DNAH5: variants seen among roughly 807,000 people sequenced by gnomAD.
DNAH5 encodes the protein dynein axonemal heavy chain 5.
DNAH5 carries 372 observed loss-of-function variants against 518.2 expected under a neutral mutation model. The ratio of observed to expected loss-of-function variants is 0.72; its 90% CI spans 0.66 to 0.78. DNAH5 has a LOEUF of 0.78. Ranked by LOEUF, DNAH5 falls within the 30% of genes least tolerant of loss-of-function variation. The probability of loss-of-function intolerance (pLI) is 0.00; values close to 1 mark genes in which losing one functional copy is unlikely to be tolerated. For missense variants in DNAH5, 5,523 were observed against 5,687.0 expected (o/e 0.97, Z 0.93); for synonymous variants, 2,039 against 2,025.9 (o/e 1.01, Z -0.17).
chr5:13,995,255 T>C (rs546610348), intron 1 of DNAH5, among the ~76,000 whole-genome samples: 1 of 152,302 alleles, frequency 6.6e-6, no homozygotes, highest in South Asian at 2.1e-4. Flanking sequence ...GCACCACATA[T>C]ACAGTAGCGG....
chr5:13,858,317 A>C (rs1767911462), intron 30 of DNAH5, among the ~76,000 whole-genome samples: 1 of 152,168 alleles, frequency 6.6e-6, no homozygotes, highest in Admixed American at 6.6e-5. Flanking sequence ...CTAGCACAGG[A>C]ATGGAAAACC....
Position 13,793,923 on chromosome 5 carries a change from A to G in DNAH5, c.8010+13T>C. 4 of 1,613,984 alleles carry G rather than the reference A, an allele frequency of 2.5e-6. No individual in the cohort carries two copies. Among genetic ancestry groups the G allele is most frequent in the Non-Finnish European group, 3.4e-6 (4 of 1,179,910 alleles). On this transcript the variant is annotated intron_variant, in intron 48 of 78. Coordinates refer to ENST00000265104, the MANE Select transcript of DNAH5 (RefSeq NM_001369.3). ...AAATTAAAGAAATAAAATGCACAAT[A>G]GAATGATGATACCTGATCTCCCCAC...
At chr5:13,859,119 T>G (rs1768026549) in intron 30 of DNAH5, among the ~76,000 whole-genome samples, 1 of 152,172 alleles carries the variant, frequency 6.6e-6, no homozygotes, top group Non-Finnish European at 1.5e-5. Flanking sequence ...ATTGTCAAGA[T>G]AACTGCACCA....
intron 60 of DNAH5, among the ~76,000 whole-genome samples, chr5:13,760,757 A>G (rs542223852): frequency 6.6e-5 from 10 of 152,330 alleles, no homozygotes; most frequent in African/African-American, 2.4e-4. Flanking sequence ...AATTTAGGGA[A>G]TGCCCTTGAC....
intron 47 of DNAH5, among the ~76,000 whole-genome samples, chr5:13,804,110 T>C (rs1332071216): frequency 2.0e-5 from 3 of 152,160 alleles, no homozygotes; most frequent in Non-Finnish European, 4.4e-5. Flanking sequence ...TTAATATTAG[T>C]TCGGGGGGAA....
At chr5:13,978,356 G>A (rs1330570857) in intron 1 of DNAH5, among the ~76,000 whole-genome samples, 3 of 152,182 alleles carry the variant, frequency 2.0e-5, no homozygotes, top group African/African-American at 7.2e-5. Context: ...CCAGAATGTG[G>A]TTGGACTTCT....
chr5:13,745,736 TC>T (rs1315151303), intron 65 of DNAH5, among the ~76,000 whole-genome samples: 1 of 152,066 alleles, frequency 6.6e-6, no homozygotes, highest in East Asian at 1.9e-4. Flanking sequence ...AGCCCCACAT[TC>T]CTTAGATGGT....
chr5:13,934,409 C>G (rs76345451), intron 1 of DNAH5, among the ~76,000 whole-genome samples: 2 of 152,098 alleles, frequency 1.3e-5, no homozygotes, highest in African/African-American at 4.8e-5. Flanking sequence ...GCTTTAGGCC[C>G]TTAAGTTTTG....
intron 12 of DNAH5, among the ~76,000 whole-genome samples, chr5:13,904,791 G>T (rs1236735520): frequency 6.6e-6 from 1 of 152,022 alleles, no homozygotes; most frequent in Non-Finnish European, 1.5e-5. Context: ...TGCACCTGTA[G>T]TCTCAACTAC....
intron 43 of DNAH5, 134 bp downstream of exon 43, chr5:13,814,471 C>A: frequency 1.2e-6 from 1 of 858,744 alleles, no homozygotes; most frequent in South Asian, 1.5e-5. Flanking sequence ...CCAGTGCATT[C>A]AAGTATCTTC....
intron 1 of DNAH5, among the ~76,000 whole-genome samples, chr5:13,932,842 T>C (rs989504928): frequency 6.6e-6 from 1 of 152,224 alleles, no homozygotes; most frequent in Admixed American, 6.5e-5. Context: ...GTGTAAGATT[T>C]TGAGGTGACT....
rs770818155 is a variant in DNAH5 at position 13,922,263 on chromosome 5, C to T, written c.504G>A (p.Leu168=). 2 of 1,613,744 alleles carry T rather than the reference C, an allele frequency of 1.2e-6. No individual in the cohort carries two copies. The highest frequency in any genetic ancestry group is 1.7e-6 in the Non-Finnish European group (2 of 1,179,936). The change falls in exon 5 of 79, where the codon CTG becomes CTA. Residue 168 remains leucine (L), a synonymous_variant. Coordinates refer to ENST00000265104, the MANE Select transcript of DNAH5 (RefSeq NM_001369.3). ...GGLLNSVRRL[L]SDIFIPALRA... The stretch of plus-strand genomic sequence containing the variant: ...TGAGAGCAGGAATGAAGATGTCCGA[C>T]AGCAAACGTCTCACACTGTTGAGCA...
intron 1 of DNAH5, among the ~76,000 whole-genome samples, chr5:13,974,499 G>C (rs1225595852): frequency 6.6e-6 from 1 of 152,144 alleles, no homozygotes; most frequent in Non-Finnish European, 1.5e-5. Context: ...ACCTGTGATA[G>C]GATGGCATTT....
At chr5:13,770,562 C>T (rs1207024438) in intron 56 of DNAH5, among the ~76,000 whole-genome samples, 187 bp downstream of exon 56, 1 of 152,118 alleles carries the variant, frequency 6.6e-6, no homozygotes, top group Non-Finnish European at 1.5e-5. Flanking sequence ...AAAAGAACTT[C>T]AGGAAGTTTA....
chr5:13,822,518 A>C (rs974964684), intron 40 of DNAH5, among the ~76,000 whole-genome samples: 1 of 151,748 alleles, frequency 6.6e-6, no homozygotes, highest in Non-Finnish European at 1.5e-5. Flanking sequence ...CCCAGAGTGC[A>C]GGGATTACAG....
chr5:13,894,643 G>T lies in DNAH5; in HGVS notation c.2431+7C>A. On this transcript the variant is annotated splice_region_variant and intron_variant, in intron 16 of 78. Transcript: ENST00000265104. ...TTCAGAAATACTAATTATTCAGGCA[G>T]ACTTACTGATCTTTGCAAAAGTGTT... The T allele has an allele frequency of 6.2e-7, 1 of 1,613,704 alleles. No individual in the cohort carries two copies. The highest frequency in any genetic ancestry group is 1.1e-5 in the South Asian group (1 of 91,058).
rs1395955920 is a variant in DNAH5, at chr5:13,737,103, T to C, written c.11455+149A>G. ...TATAAAAAATTTTTGACCTCCATTT[T>C]ACGGAATATTTCCCAACAGAAATTC... On this transcript the variant is annotated intron_variant, in intron 66 of 78. Transcript: ENST00000265104. 3.0e-6 allele frequency: 4 copies of C among 1,318,764 alleles called. No homozygotes were observed. In the East Asian group the frequency reaches 9.5e-5, roughly 31 times the overall value. The allele number at this position is 1,318,764 out of a possible 1,614,324, so 81.7% of individuals were successfully genotyped here.
intron 47 of DNAH5, among the ~76,000 whole-genome samples, chr5:13,804,868 T>C (rs1759331284): frequency 6.6e-6 from 1 of 152,232 alleles, no homozygotes; most frequent in Non-Finnish European, 1.5e-5. Context: ...AGATAACATA[T>C]GGCTTTTTCC....
intron 29 of DNAH5, 82 bp from the exon 30 acceptor site, chr5:13,859,687 A>T: frequency 2.9e-6 from 4 of 1,390,880 alleles, no homozygotes; most frequent in Non-Finnish European, 4.1e-6. Context: ...TAAAAATCTT[A>T]ATTTTTAACC....
Sources: gnomAD v4.1 joint callset for allele counts (sites outside exome capture counted in the v4.1 genomes callset) on GRCh38, gnomAD v4.1.1 for gene constraint, MANE v1.5 for transcripts, NCBI Gene and HGNC (gene_info 2026-07-23, HGNC 2026-07-21) for gene names.